Variants in PECR observed in about 807,000 individuals in gnomAD.
PECR encodes the protein peroxisomal trans-2-enoyl-CoA reductase.
PECR carries 30 observed loss-of-function variants against 35.3 expected under a neutral mutation model. The ratio of observed to expected loss-of-function variants is 0.85; its 90% CI spans 0.64 to 1.15. The LOEUF (loss-of-function observed/expected upper bound fraction) is 1.15. PECR is among the 50% of genes most tolerant of loss of function. The pLI, the probability that PECR is intolerant of heterozygous loss-of-function variation, is 0.00. For synonymous variants in PECR, 148 were observed against 138.9 expected (o/e 1.07, Z -0.46); for missense variants, 392 against 370.8 (o/e 1.06, Z -0.47).
At chr2:216,078,574 C>T (rs1338889923) in intron 1 of PECR, among the ~76,000 whole-genome samples, 3 of 143,930 alleles carry the variant, frequency 2.1e-5, no homozygotes, top group East Asian at 2.0e-4. Context: ...GGCGACAGAG[C>T]GAAACTCCAT....
At chr2:216,035,519 A>G (rs1271466900), downstream of PECR, among the ~76,000 whole-genome samples, 1 of 139,624 alleles carries the variant, frequency 7.2e-6, no homozygotes, top group Non-Finnish European at 1.5e-5. Flanking sequence ...ACAGGGTCTT[A>G]CTCTGTCACC....
At chr2:216,078,008 T>A (rs1695746787) in intron 1 of PECR, among the ~76,000 whole-genome samples, 1 of 148,552 alleles carries the variant, frequency 6.7e-6, no homozygotes. Context: ...AGAAAACACC[T>A]GTATTTTTCG....
chr2:216,064,205 C>T (rs1173060506), intron 3 of PECR: 1 of 152,232 alleles, frequency 6.6e-6, no homozygotes, highest in African/African-American at 2.4e-5. Flanking sequence ...CACTAGATGT[C>T]TCCCAATACT....
chr2:216,031,574 GGAAA>G (rs1232407973), intron 7 of PECR, among the ~76,000 whole-genome samples: 1 of 137,132 alleles, frequency 7.3e-6, no homozygotes, highest in African/African-American at 2.7e-5. Flanking sequence ...AAGGAAGGAA[GGAAA>G]GAAAGAAGGA....
intron 7 of PECR, among the ~76,000 whole-genome samples, chr2:216,040,946 G>GTCCC (rs1438868238): frequency 6.6e-6 from 1 of 152,086 alleles, no homozygotes; most frequent in African/African-American, 2.4e-5. Flanking sequence ...TACTGTATGT[G>GTCCC]TCCCTGCATA....
Position 216,065,340 on chromosome 2 carries a change from C to G in PECR, c.396G>C (p.Leu132=), listed in dbSNP as rs1392789035. 4 of 1,612,206 alleles carry G rather than the reference C, an allele frequency of 2.5e-6. No homozygotes were observed. In the African/African-American group the frequency reaches 4.0e-5, roughly 16 times the overall value. ...CTTTGCACATGTAGAAGGTACCCGTCAGGTTGGTCTCAAGCACAGCGTGCC... is the reference window on the plus strand; with the variant it reads ...CTTTGCACATGTAGAAGGTACCCGTGAGGTTGGTCTCAAGCACAGCGTGCC... ...KGWHAVLETN[L]TGTFYMCKAV... Residue 132 remains leucine, a synonymous_variant, in exon 3 of 8, where the codon CTG becomes CTC. Transcript: ENST00000265322.
rs1559213659 is a variant in PECR, at chr2:216,058,995, C to T, written c.425-19G>A. 1 of 1,507,764 alleles carries T rather than the reference C, an allele frequency of 6.6e-7. No homozygotes were observed. Among genetic ancestry groups the T allele is most frequent in the Admixed American group, 1.7e-5 (1 of 59,872 alleles). 93.4% of individuals were successfully genotyped at this position (1,507,764 alleles called of 1,614,324 possible). ...CTGTAAACTGCAGGATAGAGGCAAA[C>T]TCAATCATTAAATTTTTAAAGTATC... On this transcript the variant is annotated intron_variant, in intron 3 of 7. Coordinates refer to ENST00000265322, the MANE Select transcript of PECR (RefSeq NM_018441.6).
At chr2:216,047,706 A>T (rs1695022659) in intron 6 of PECR, among the ~76,000 whole-genome samples, 1 of 152,196 alleles carries the variant, frequency 6.6e-6, no homozygotes, top group Non-Finnish European at 1.5e-5. Flanking sequence ...TTATACCATG[A>T]AGGGTAATCC....
chr2:216,065,127 G>A (rs1695437314), intron 3 of PECR, 185 bp downstream of exon 3: 1 of 628,952 alleles, frequency 1.6e-6, no homozygotes, highest in Non-Finnish European at 2.8e-6. Flanking sequence ...TGAGATTGAA[G>A]GATATCCACA....
chr2:216,081,793 G>A lies in PECR; in HGVS notation c.-52C>T. On this transcript the variant is annotated 5_prime_UTR_variant, in exon 1 of 8. Transcript: ENST00000265322. ...GAGCGCAGGCCCTTCTGGGTCTCAG[G>A]GACATTCGAGGCGGGCGGGCGGACA... 3 of 1,598,152 alleles carry A rather than the reference G, an allele frequency of 1.9e-6. No individual in the cohort carries two copies. Among genetic ancestry groups the A allele is most frequent in the Non-Finnish European group, 2.6e-6 (3 of 1,175,224 alleles).
At chr2:216,080,314 T>C (rs1695809751) in intron 1 of PECR, among the ~76,000 whole-genome samples, 1 of 152,116 alleles carries the variant, frequency 6.6e-6, no homozygotes, top group Non-Finnish European at 1.5e-5. Context: ...GACCTCAGGT[T>C]ATCTGCCCGC....
chr2:216,081,112 C>A (rs1374430614), intron 1 of PECR, among the ~76,000 whole-genome samples: 1 of 152,072 alleles, frequency 6.6e-6, no homozygotes, highest in Non-Finnish European at 1.5e-5. Flanking sequence ...TTTATGTTCT[C>A]CTTTGTGGTT....
rs62001895 is a variant in PECR, at chr2:216,058,896, C to T, written c.505G>A (p.Val169Met). 11 of 1,565,068 alleles carry T rather than the reference C, an allele frequency of 7.0e-6. No homozygotes were observed. Among genetic ancestry groups the T allele is most frequent in the Non-Finnish European group, 8.8e-6 (10 of 1,135,762 alleles). Residue 169 changes from valine to methionine, a missense_variant and splice_region_variant, in exon 4 of 8, where the codon GTG becomes ATG. Val to Met is a conservative substitution (Grantham distance 21, BLOSUM62 1). Coordinates refer to ENST00000265322, the MANE Select transcript of PECR (RefSeq NM_018441.6). ...AGAAAACTATATAAAAACGCTTACA[C>T]AGCTAATGGAAATCCAGCTTTAGTA... ...VPTKAGFPLA[V>M]HSGAARAGVY...
At chr2:216,060,613 T>C (rs367634843) in intron 3 of PECR, among the ~76,000 whole-genome samples, 292 of 152,190 alleles carry the variant, frequency 1.9e-3, no homozygotes, top group African/African-American at 6.6e-3. Context: ...CAGTGGGCTA[T>C]GCAGCCTTGA....
rs1695358795 is a variant in PECR, at chr2:216,061,817, T to C, written c.425-2841A>G. ...TCAATAAGGACTATATAATGAGTGA[T>C]TTTATTGAATTACTGTGAATTTTCT... is the stretch of plus-strand genomic sequence containing the variant. On this transcript the variant is annotated intron_variant, in intron 3 of 7. Coordinates refer to ENST00000265322, the MANE Select transcript of PECR (RefSeq NM_018441.6). Among the ~76,000 whole-genome samples, 3 of 152,276 alleles carry C rather than the reference T, an allele frequency of 2.0e-5. No individual in the cohort carries two copies. In the South Asian group the frequency reaches 6.2e-4, roughly 32 times the overall value.
chr2:216,066,541 C>CAAATA (rs773081391), intron 1 of PECR, 23 bp from the exon 2 acceptor site: 2 of 1,608,624 alleles, frequency 1.2e-6, no homozygotes, highest in Admixed American at 3.3e-5. Context: ...AGCCAGAGAA[C>CAAATA]AAATAAATAT....
intron 6 of PECR, among the ~76,000 whole-genome samples, chr2:216,046,751 T>C (rs1417707212): frequency 6.6e-6 from 1 of 152,224 alleles, no homozygotes; most frequent in East Asian, 1.9e-4. Flanking sequence ...TAACAGTATC[T>C]TCCAAAATAC....
At chr2:216,073,463 CAAT>C (rs1226649381) in intron 1 of PECR, among the ~76,000 whole-genome samples, 5 of 152,122 alleles carry the variant, frequency 3.3e-5, no homozygotes, top group African/African-American at 9.7e-5. Context: ...CAATAGTAAA[CAAT>C]AATGTCTTAG....
At chr2:216,031,417 G>GAAGAAAGA (rs1373147409) in intron 7 of PECR, among the ~76,000 whole-genome samples, 1 of 133,390 alleles carries the variant, frequency 7.5e-6, no homozygotes, top group Non-Finnish European at 1.6e-5. Flanking sequence ...AGGAAGAAAG[G>GAAGAAAGA]AAGAAAGAAA....
Sources: gnomAD v4.1 joint callset for allele counts (sites outside exome capture counted in the v4.1 genomes callset) on GRCh38, gnomAD v4.1.1 for gene constraint, MANE v1.5 for transcripts, NCBI Gene and HGNC (gene_info 2026-07-23, HGNC 2026-07-21) for gene names.